LRRTM4: variants seen among roughly 807,000 people sequenced by gnomAD.
LRRTM4 encodes the protein leucine rich repeat transmembrane neuronal 4.
In LRRTM4, 25 loss-of-function variants were observed where a neutral mutation model predicts 47.6. That is an observed-to-expected ratio of 0.53 (90% CI 0.38 to 0.73). LRRTM4 has a LOEUF of 0.73. Among genes scored for constraint, LRRTM4 ranks in the 30% least tolerant of loss-of-function variants. The pLI, the probability that LRRTM4 is intolerant of heterozygous loss-of-function variation, is 0.00. For synonymous variants in LRRTM4, 311 were observed against 269.5 expected, an observed-to-expected ratio of 1.15 and a Z score of -1.51; for missense variants, 638 against 713.4, an observed-to-expected ratio of 0.89 and a Z score of 1.20.
chr2:76,836,462 T>G (rs1361972489), intron 3 of LRRTM4, among the ~76,000 whole-genome samples: 1 of 152,002 alleles, frequency 6.6e-6, no homozygotes. Context: ...CTTTCCTGTG[T>G]TATTTCTCAC....
At chr2:77,319,690 A>G (rs1677730786) in intron 3 of LRRTM4, among the ~76,000 whole-genome samples, 3 of 152,320 alleles carry the variant, frequency 2.0e-5, no homozygotes, top group Non-Finnish European at 4.4e-5. Flanking sequence ...ATAGGAGTGT[A>G]TGTCGTACAA....
intron 3 of LRRTM4, among the ~76,000 whole-genome samples, chr2:77,150,534 A>C (rs1672389757): frequency 1.3e-5 from 2 of 152,206 alleles, no homozygotes; most frequent in Admixed American, 6.5e-5. Context: ...TTAAGATCTC[A>C]TTTTTAGTGA....
intron 3 of LRRTM4, among the ~76,000 whole-genome samples, chr2:77,508,347 G>T (rs147272650): frequency 3.7e-4 from 57 of 152,182 alleles, no homozygotes; most frequent in African/African-American, 1.2e-3. Context: ...CAGAGTAAGG[G>T]CTCGTAGAGG....
chr2:77,014,689 G>A (rs868151921), intron 3 of LRRTM4, among the ~76,000 whole-genome samples: 18 of 152,054 alleles, frequency 1.2e-4, no homozygotes, highest in African/African-American at 4.1e-4. Context: ...GTGGGCGCCT[G>A]TAATCCCAGC....
At chr2:77,244,997 C>G (rs1412373082) in intron 3 of LRRTM4, among the ~76,000 whole-genome samples, 1 of 152,066 alleles carries the variant, frequency 6.6e-6, no homozygotes, top group Non-Finnish European at 1.5e-5. Context: ...ACCCAGAGGA[C>G]CCAGTCAAGC....
chr2:77,181,240 C>T (rs1189579586), intron 3 of LRRTM4, among the ~76,000 whole-genome samples: 1 of 152,012 alleles, frequency 6.6e-6, no homozygotes, highest in African/African-American at 2.4e-5. Flanking sequence ...AAAATGGTGT[C>T]CAAAAGACCC....
chr2:76,822,107 G>A (rs1028543562), intron 3 of LRRTM4, among the ~76,000 whole-genome samples: 5 of 151,124 alleles, frequency 3.3e-5, no homozygotes, highest in African/African-American at 9.7e-5. Flanking sequence ...TTCCAGAGTC[G>A]AACAGAGATC....
chr2:76,776,979 C>A (rs1233009476), intron 3 of LRRTM4, among the ~76,000 whole-genome samples: 92 of 131,640 alleles, frequency 7.0e-4, no homozygotes, highest in African/African-American at 2.6e-3. Flanking sequence ...CTACATATGG[C>A]TAGCCAGTTT....
At chr2:77,221,217 G>A (rs1417958224) in intron 3 of LRRTM4, among the ~76,000 whole-genome samples, 3 of 152,164 alleles carry the variant, frequency 2.0e-5, no homozygotes, top group African/African-American at 2.4e-5. Context: ...ACTAAACATG[G>A]AAAGGAACAA....
At chr2:76,798,689 T>C (rs1204146773) in intron 3 of LRRTM4, among the ~76,000 whole-genome samples, 26 of 148,552 alleles carry the variant, frequency 1.8e-4, no homozygotes, top group African/African-American at 6.1e-4. Flanking sequence ...ATCAACAAAA[T>C]TGATAGACCG....
chr2:77,011,531 TTG>T (rs56982328), intron 3 of LRRTM4, among the ~76,000 whole-genome samples: 29,897 of 143,414 alleles, frequency 0.21, 3,124 homozygotes, highest in Non-Finnish European at 0.24. Flanking sequence ...GAAGAAGCAT[TTG>T]TGTGTGTGTG....
At chr2:77,464,024 T>G (rs1315488180) in intron 3 of LRRTM4, among the ~76,000 whole-genome samples, 1 of 152,066 alleles carries the variant, frequency 6.6e-6, no homozygotes, top group African/African-American at 2.4e-5. Flanking sequence ...TTAGAGAAGG[T>G]GAATGAGTCT....
At chr2:76,850,797 TTGAC>T (rs1396653065) in intron 3 of LRRTM4, among the ~76,000 whole-genome samples, 35 of 152,182 alleles carry the variant, frequency 2.3e-4, no homozygotes, top group African/African-American at 7.7e-4. Flanking sequence ...CTGCTAATGT[TTGAC>T]TGATTCTCAA....
At chr2:77,346,685 T>A (rs1671572944) in intron 3 of LRRTM4, among the ~76,000 whole-genome samples, 1 of 152,134 alleles carries the variant, frequency 6.6e-6, no homozygotes, top group Non-Finnish European at 1.5e-5. Flanking sequence ...GGTTTTTAAT[T>A]GCAAAATTAA....
intron 3 of LRRTM4, among the ~76,000 whole-genome samples, chr2:77,299,316 T>C (rs1259892615): frequency 6.6e-6 from 1 of 150,936 alleles, no homozygotes; most frequent in African/African-American, 2.4e-5. Flanking sequence ...CGTATATACA[T>C]ATATATGTGT....
rs746239370 is a variant in LRRTM4, at chr2:76,751,277, T to C, written c.1552-2361A>G. 4.6e-5 allele frequency among the ~76,000 whole-genome samples: 7 copies of C among 152,198 alleles called. 1 individual carries two copies. Among genetic ancestry groups the C allele is most frequent in the Admixed American group, 1.3e-4 (2 of 15,280 alleles). On this transcript the variant is annotated intron_variant, in intron 3 of 3. Coordinates refer to ENST00000409884, the MANE Select transcript of LRRTM4 (RefSeq NM_001134745.3). The stretch of plus-strand genomic sequence containing the variant: ...TGAGTTGGAAAATTAAATCAATATG[T>C]AATGCTTTGTTTCTGATTTGTTGTT...
intron 3 of LRRTM4, among the ~76,000 whole-genome samples, chr2:77,436,833 A>T (rs1255098153): frequency 1.3e-5 from 2 of 151,960 alleles, no homozygotes; most frequent in Non-Finnish European, 2.9e-5. Context: ...TCTTTCTGTT[A>T]CTCTTTCTCT....
intron 3 of LRRTM4, among the ~76,000 whole-genome samples, chr2:76,839,196 T>C (rs1163994937): frequency 4.6e-5 from 7 of 152,214 alleles, no homozygotes; most frequent in East Asian, 1.9e-4. Context: ...TCTCCAATGA[T>C]TGTTGACAAC....
intron 3 of LRRTM4, among the ~76,000 whole-genome samples, chr2:76,754,443 G>A (rs1164844333): frequency 6.6e-6 from 1 of 152,054 alleles, no homozygotes; most frequent in African/African-American, 2.4e-5. Flanking sequence ...TAAAGGATGA[G>A]CAAAGATAGC....
Sources: allele counts gnomAD v4.1 joint callset (sites outside exome capture counted in the v4.1 genomes callset), GRCh38; gene constraint gnomAD v4.1.1; transcripts MANE v1.5; gene names NCBI Gene and HGNC (gene_info 2026-07-23, HGNC 2026-07-21).